The following ANXA3 variants were observed in gnomAD, a reference collection of about 807,000 sequenced individuals.
ANXA3 encodes the protein annexin A3, also known as 35-alpha calcimedin.
ANXA3 carries 46 observed loss-of-function variants against 48.8 expected under a neutral mutation model. The observed-to-expected ratio is 0.94, with a 90% CI of 0.74 to 1.21. The LOEUF is 1.21. Among genes scored for constraint, ANXA3 ranks in the 50% most tolerant of loss-of-function variants. ANXA3 has a pLI of 0.00. For missense variants in ANXA3, 383 were observed against 378.6 expected (o/e 1.01, Z -0.10); for synonymous variants, 128 against 134.7 (o/e 0.95, Z 0.35).
At chr4:78,556,335 A>T (rs1230223756) in intron 2 of ANXA3, among the ~76,000 whole-genome samples, 1 of 152,254 alleles carries the variant, frequency 6.6e-6, no homozygotes, top group Non-Finnish European at 1.5e-5. Flanking sequence ...GTAATAATTT[A>T]AAAAATCAAC....
intron 7 of ANXA3, among the ~76,000 whole-genome samples, chr4:78,593,803 ATTTTTTTTTTTTT>A (rs60515646): frequency 0.023 from 2,052 of 88,768 alleles, 59 homozygotes; most frequent in African/African-American, 0.071. Flanking sequence ...CATTCAGCTA[ATTTTTTTTTTTTT>A]TTTTTTTTTT....
At chr4:78,598,071 G>GTGTA (rs1723457799) in intron 10 of ANXA3, among the ~76,000 whole-genome samples, 1 of 151,944 alleles carries the variant, frequency 6.6e-6, no homozygotes. Context: ...TGGCATGCAC[G>GTGTA]TGTAGTCTTA....
intron 2 of ANXA3, 123 bp from the exon 3 acceptor site, chr4:78,573,054 AGTG>A: frequency 1.3e-6 from 1 of 786,676 alleles, no homozygotes; most frequent in Non-Finnish European, 2.3e-6. Flanking sequence ...CCACTCCTGA[AGTG>A]GTAGGAAGGT....
chr4:78,584,429 G>A (rs1051654231), intron 5 of ANXA3, among the ~76,000 whole-genome samples: 3 of 152,130 alleles, frequency 2.0e-5, no homozygotes, highest in African/African-American at 7.2e-5. Context: ...TCCTGCCTCG[G>A]CCTCTCAAAG....
chr4:78,565,510 G>T (rs149588309), intron 2 of ANXA3, among the ~76,000 whole-genome samples: 3,735 of 152,308 alleles, frequency 0.025, 71 homozygotes, highest in South Asian at 0.059. Context: ...GGAAATGCAG[G>T]TGAAGGAATC....
intron 2 of ANXA3, among the ~76,000 whole-genome samples, chr4:78,565,036 C>T (rs1722703205): frequency 6.9e-6 from 1 of 145,354 alleles, no homozygotes; most frequent in African/African-American, 2.6e-5. Flanking sequence ...CTCTGTTGCA[C>T]AGACCAGAGT....
At chr4:78,554,758 A>G (rs571273042) in intron 2 of ANXA3, among the ~76,000 whole-genome samples, 53 of 152,248 alleles carry the variant, frequency 3.5e-4, no homozygotes, top group Admixed American at 6.5e-4. Context: ...AATTTATTAT[A>G]TGAAAAAGAT....
At chr4:78,601,836 C>T (rs1400812112) in intron 11 of ANXA3, 1 of 313,414 alleles carries the variant, frequency 3.2e-6, no homozygotes, top group African/African-American at 2.1e-5. Context: ...AAAACATTCT[C>T]ATTTTCTCTA....
intron 12 of ANXA3, among the ~76,000 whole-genome samples, chr4:78,606,420 G>A (rs534718031): frequency 6.6e-6 from 1 of 152,060 alleles, no homozygotes; most frequent in Non-Finnish European, 1.5e-5. Flanking sequence ...CCTGATCCTG[G>A]GTAGCAGCAC....
intron 7 of ANXA3, among the ~76,000 whole-genome samples, chr4:78,592,318 A>G (rs186953082): frequency 4.5e-4 from 68 of 152,342 alleles, no homozygotes; most frequent in Non-Finnish European, 8.8e-4. Flanking sequence ...GCTGATTTAC[A>G]TAGCACCTAA....
intron 5 of ANXA3, among the ~76,000 whole-genome samples, chr4:78,584,028 T>C (rs1409702126): frequency 1.3e-5 from 2 of 152,250 alleles, no homozygotes; most frequent in African/African-American, 2.4e-5. Flanking sequence ...TGGCCTTTTC[T>C]CTGCTCCTTG....
chr4:78,555,036 T>A lies in ANXA3; in HGVS notation c.15+548T>A, dbSNP rs144452167. On this transcript the variant is annotated intron_variant, in intron 2 of 12. Coordinates refer to ENST00000264908, the MANE Select transcript of ANXA3 (RefSeq NM_005139.3). Reference sequence around the variant, plus strand: ...GCCTGGCCAACATGGTGAAACCGTGTCTCTACTAGAAATACAAAAATAGCC... The same window carrying A: ...GCCTGGCCAACATGGTGAAACCGTGACTCTACTAGAAATACAAAAATAGCC... Among the ~76,000 whole-genome samples, 304 of 152,216 alleles carry A rather than the reference T, an allele frequency of 2.0e-3. 10 individuals are homozygous for A. The East Asian group carries it at 0.056, about 28-fold the overall frequency.
At chr4:78,578,124 A>G (rs1426247173) in intron 3 of ANXA3, among the ~76,000 whole-genome samples, 1 of 151,696 alleles carries the variant, frequency 6.6e-6, no homozygotes, top group Non-Finnish European at 1.5e-5. Flanking sequence ...ACTAAATTAA[A>G]AAAAAAATTA....
chr4:78,569,079 G>A (rs1437609412), intron 2 of ANXA3, among the ~76,000 whole-genome samples: 1 of 152,230 alleles, frequency 6.6e-6, no homozygotes, highest in Non-Finnish European at 1.5e-5. Context: ...GTGATTAGCA[G>A]CAATTGTTCT....
At chr4:78,597,844 G>A (rs1214694619) in intron 10 of ANXA3, among the ~76,000 whole-genome samples, 2 of 152,002 alleles carry the variant, frequency 1.3e-5, no homozygotes, top group Non-Finnish European at 2.9e-5. Context: ...GAACTCCTGA[G>A]CTCAAGCAAT....
intron 8 of ANXA3, 60 bp from the exon 9 acceptor site, chr4:78,595,734 C>T (rs1723410095): frequency 9.5e-7 from 1 of 1,050,460 alleles, no homozygotes. Flanking sequence ...TCCGATTCTT[C>T]TCATGTCACC....
intron 2 of ANXA3, among the ~76,000 whole-genome samples, chr4:78,565,388 C>T (rs1722710855): frequency 1.3e-5 from 2 of 152,130 alleles, no homozygotes; most frequent in Admixed American, 6.5e-5. Context: ...TACGGGAGAG[C>T]GATGATTGTG....
At chr4:78,594,669 G>A (rs543146953) in intron 7 of ANXA3, among the ~76,000 whole-genome samples, 6 of 152,286 alleles carry the variant, frequency 3.9e-5, no homozygotes, top group South Asian at 4.1e-4. Context: ...CCATCTGTGC[G>A]TCTTCTTTGG....
chr4:78,572,472 C>T (rs1722858436), intron 2 of ANXA3, among the ~76,000 whole-genome samples: 1 of 152,176 alleles, frequency 6.6e-6, no homozygotes, highest in Non-Finnish European at 1.5e-5. Context: ...ATCAATTTCC[C>T]TGAAGGCTCA....
Sources: gnomAD v4.1 joint callset for allele counts (sites outside exome capture counted in the v4.1 genomes callset) on GRCh38, gnomAD v4.1.1 for gene constraint, MANE v1.5 for transcripts, NCBI Gene and HGNC (gene_info 2026-07-23, HGNC 2026-07-21) for gene names.